The following CCSER1 variants were observed in gnomAD, a reference collection of about 807,000 sequenced individuals.
The protein encoded by CCSER1 is coiled-coil serine rich protein 1, also known as serine-rich coiled-coil domain-containing protein 1.
Under a neutral mutation model 82.0 loss-of-function variants are expected in CCSER1, and 41 were observed. That is an observed-to-expected ratio of 0.50 (90% CI 0.39 to 0.65). CCSER1 has a LOEUF of 0.65. Among genes scored for constraint, CCSER1 ranks in the 30% least tolerant of loss-of-function variants. The pLI is 0.00. For missense variants in CCSER1, 1,119 were observed against 1,064.2 expected (o/e 1.05, Z -0.72); for synonymous variants, 414 against 383.9 (o/e 1.08, Z -0.92).
intron 10 of CCSER1, among the ~76,000 whole-genome samples, chr4:91,558,966 GATTTCAA>G (rs1762532229): frequency 6.6e-6 from 1 of 151,518 alleles, no homozygotes; most frequent in Non-Finnish European, 1.5e-5. Flanking sequence ...GATTCTTGTT[GATTTCAA>G]ATTATATATC....
intron 10 of CCSER1, among the ~76,000 whole-genome samples, chr4:91,369,371 T>C (rs938211378): frequency 6.6e-6 from 1 of 152,206 alleles, no homozygotes; most frequent in South Asian, 2.1e-4. Context: ...GCTATTGAGA[T>C]GTTGGGGTGG....
intron 5 of CCSER1, among the ~76,000 whole-genome samples, chr4:90,621,860 TC>T (rs1173087101): frequency 6.6e-6 from 1 of 152,190 alleles, no homozygotes; most frequent in African/African-American, 2.4e-5. Flanking sequence ...CTGTGGCAGA[TC>T]TTCTCCTTTA....
chr4:90,210,287 A>G (rs1739706988), intron 1 of CCSER1, among the ~76,000 whole-genome samples: 1 of 152,170 alleles, frequency 6.6e-6, no homozygotes, highest in South Asian at 2.1e-4. Flanking sequence ...GAACTTTGAA[A>G]AATCTACACA....
intron 1 of CCSER1, among the ~76,000 whole-genome samples, chr4:90,259,762 A>T (rs754495874): frequency 5.3e-5 from 8 of 152,074 alleles, no homozygotes; most frequent in Non-Finnish European, 1.0e-4. Context: ...TATCACATTT[A>T]TTGACTTGTG....
At chr4:91,462,976 A>G (rs1252357791) in intron 10 of CCSER1, among the ~76,000 whole-genome samples, 1 of 152,176 alleles carries the variant, frequency 6.6e-6, no homozygotes, top group East Asian at 1.9e-4. Context: ...CTGCAGACTT[A>G]AATGTCCCGG....
At chr4:91,093,434 C>T (rs1724180386) in intron 10 of CCSER1, among the ~76,000 whole-genome samples, 1 of 152,214 alleles carries the variant, frequency 6.6e-6, no homozygotes, top group Non-Finnish European at 1.5e-5. Context: ...ACATAGCAAG[C>T]TTTGGTACTT....
chr4:91,382,721 C>T (rs1751001624), intron 10 of CCSER1, among the ~76,000 whole-genome samples: 1 of 152,128 alleles, frequency 6.6e-6, no homozygotes. Context: ...GTCCTGCACC[C>T]ACTGTCTGAC....
intron 10 of CCSER1, among the ~76,000 whole-genome samples, chr4:91,335,251 C>T (rs900314226): frequency 9.9e-5 from 15 of 151,998 alleles, no homozygotes; most frequent in African/African-American, 2.7e-4. Flanking sequence ...AATGTATTTT[C>T]TGTTTCCTAC....
chr4:90,810,733 G>A (rs1409379992), intron 7 of CCSER1, among the ~76,000 whole-genome samples: 2 of 152,054 alleles, frequency 1.3e-5, no homozygotes, highest in African/African-American at 4.8e-5. Flanking sequence ...TTTAAGTATT[G>A]CATGAAATGA....
At chr4:90,668,546 G>A (rs921715963) in intron 6 of CCSER1, among the ~76,000 whole-genome samples, 1 of 152,086 alleles carries the variant, frequency 6.6e-6, no homozygotes, top group African/African-American at 2.4e-5. Flanking sequence ...AAATGCATCA[G>A]AGTATTATAT....
Position 90,815,839 on chromosome 4 carries a change from A to G in CCSER1, c.2088A>G (p.Glu696=). Residue 696 remains glutamate (E), a synonymous_variant, in exon 8 of 11, where the codon GAA becomes GAG. Transcript: ENST00000509176. ...EKDELISQLQ[E]ELGKVRHLQK... is the part of the protein sequence containing the mutation. ...ATGAACTCATTTCCCAACTTCAGGA[A>G]GAGCTGGTAAGTGATAACAATGCTT... 1.3e-6 allele frequency: 2 copies of G among 1,549,902 alleles called. No homozygotes were observed. The highest frequency in any genetic ancestry group is 2.4e-5 in the South Asian group (2 of 83,994).
chr4:90,150,546 C>T (rs1267358859), intron 1 of CCSER1, among the ~76,000 whole-genome samples: 5 of 152,070 alleles, frequency 3.3e-5, no homozygotes, highest in Admixed American at 6.6e-5. Flanking sequence ...ATTACCAGCT[C>T]ATGAAGCATT....
At chr4:90,362,387 A>G in intron 3 of CCSER1, among the ~76,000 whole-genome samples, 1 of 152,216 alleles carries the variant, frequency 6.6e-6, no homozygotes, top group East Asian at 1.9e-4. Context: ...CCAGAATTTA[A>G]GAAAACATTT....
At chr4:90,710,621 T>C (rs1387985147) in intron 6 of CCSER1, among the ~76,000 whole-genome samples, 3 of 152,172 alleles carry the variant, frequency 2.0e-5, no homozygotes, top group Non-Finnish European at 4.4e-5. Flanking sequence ...GTCAGCTTTG[T>C]TGAAGATCAG....
intron 5 of CCSER1, among the ~76,000 whole-genome samples, chr4:90,610,627 T>TATGAGA (rs1785339971): frequency 6.6e-6 from 1 of 152,208 alleles, no homozygotes; most frequent in African/African-American, 2.4e-5. Flanking sequence ...CTTTTAAAAC[T>TATGAGA]ATGAGAATAC....
chr4:90,287,727 G>A (rs1408331515), intron 1 of CCSER1, among the ~76,000 whole-genome samples: 1 of 151,652 alleles, frequency 6.6e-6, no homozygotes, highest in Non-Finnish European at 1.5e-5. Flanking sequence ...TATTAGAAAT[G>A]AATTTATTTT....
At chr4:90,933,132 A>AGTGTGTGTGTGTGTGTGTGTGT (rs536402295) in intron 9 of CCSER1, among the ~76,000 whole-genome samples, 4 of 70,170 alleles carry the variant, frequency 5.7e-5, no homozygotes, top group African/African-American at 2.9e-4. Flanking sequence ...GTTACCTAGA[A>AGTGTGTGTGTGTGTGTGTGTGT]GTGTGTGTGT....
chr4:91,533,355 G>A (rs1761132195), intron 10 of CCSER1, among the ~76,000 whole-genome samples: 1 of 152,126 alleles, frequency 6.6e-6, no homozygotes, highest in Admixed American at 6.6e-5. Flanking sequence ...GTTTTCCTAT[G>A]ATTACAGAAT....
chr4:90,684,626 A>G (rs1020552381), intron 6 of CCSER1, among the ~76,000 whole-genome samples: 3 of 152,232 alleles, frequency 2.0e-5, no homozygotes, highest in South Asian at 2.1e-4. Context: ...ATTCATTAAT[A>G]TAATTAGTTG....
Sources: allele counts gnomAD v4.1 joint callset (sites outside exome capture counted in the v4.1 genomes callset), GRCh38; gene constraint gnomAD v4.1.1; transcripts MANE v1.5; gene names NCBI Gene and HGNC (gene_info 2026-07-23, HGNC 2026-07-21).